Variants in LGSN observed in about 807,000 individuals in gnomAD.
LGSN encodes lengsin.
LGSN carries 21 observed loss-of-function variants against 19.5 expected under a neutral mutation model. The ratio of observed to expected loss-of-function variants is 1.07; its 90% confidence interval spans 0.76 to 1.55. The LOEUF (loss-of-function observed/expected upper bound fraction) is 1.55. Ranked by LOEUF, LGSN falls within the 40% of genes most tolerant of loss-of-function variation. The pLI, the probability that LGSN is intolerant of heterozygous loss-of-function variation, is 0.00. For missense variants in LGSN, 673 were observed against 608.5 expected (o/e 1.11, Z -1.12); for synonymous variants, 257 against 215.6 (o/e 1.19, Z -1.68).
At chr6:63,361,396 G>T in the LGSN span, among the ~76,000 whole-genome samples, 4 of 152,176 alleles carry the variant, frequency 2.6e-5, no homozygotes, top group African/African-American at 9.6e-5. Flanking sequence ...CTTGCAGTTT[G>T]ATCTCAGACT....
At chr6:63,320,428 AT>A (rs1401492423), upstream of LGSN, among the ~76,000 whole-genome samples, 2 of 152,108 alleles carry the variant, frequency 1.3e-5, no homozygotes, top group African/African-American at 4.8e-5. Context: ...TGTAATTCTC[AT>A]TTTTATTTTC....
the LGSN span, chr6:63,572,516 CG>C: frequency 2.6e-6 from 1 of 391,662 alleles, no homozygotes; most frequent in East Asian, 3.6e-5. Flanking sequence ...GGCTGCGGGC[CG>C]GCTCGGCTAC....
chr6:63,280,393 G>A lies in LGSN; in HGVS notation c.1158C>T (p.Tyr386=), dbSNP rs1384052741. ...LKKSVPTTWG[Y]NDNSCIFNIK... ...TATTAAATATACAGCTGTTGTCATT[G>A]TATCCCCATGTTGTAGGCACACTCT... Residue 386 remains tyrosine (Y), a synonymous_variant, in exon 4 of 4, where the codon TAC becomes TAT. Coordinates refer to ENST00000370657, the MANE Select transcript of LGSN (RefSeq NM_016571.3). 16 of 1,614,032 alleles carry A rather than the reference G, an allele frequency of 9.9e-6. No homozygotes were observed. Among genetic ancestry groups the A allele is most frequent in the Non-Finnish European group, 1.1e-5 (13 of 1,180,036 alleles).
chr6:63,313,544 T>A (rs1768713886), intron 1 of LGSN, among the ~76,000 whole-genome samples: 1 of 152,140 alleles, frequency 6.6e-6, no homozygotes, highest in African/African-American at 2.4e-5. Context: ...TATATTTAAA[T>A]GCTAAGACAG....
the LGSN span, among the ~76,000 whole-genome samples, chr6:63,366,813 A>G: frequency 1.3e-5 from 2 of 151,882 alleles, no homozygotes; most frequent in Admixed American, 6.6e-5. Flanking sequence ...GATCTTTGAC[A>G]AACCTGACGA....
the LGSN span, among the ~76,000 whole-genome samples, chr6:63,377,929 A>AG: frequency 6.9e-6 from 1 of 144,224 alleles, no homozygotes; most frequent in African/African-American, 2.7e-5. Flanking sequence ...AAAAAAAAAA[A>AG]AAAAAAGAAA....
At chr6:63,556,716 G>A in the LGSN span, among the ~76,000 whole-genome samples, 2 of 152,182 alleles carry the variant, frequency 1.3e-5, no homozygotes, top group Middle Eastern at 3.2e-3. Context: ...CACTGATACT[G>A]CTTGTCAGTT....
chr6:63,447,921 G>T, the LGSN span, among the ~76,000 whole-genome samples: 2 of 152,070 alleles, frequency 1.3e-5, no homozygotes, highest in African/African-American at 4.8e-5. Context: ...CCAATAAGTT[G>T]TCCAACAAAA....
the LGSN span, among the ~76,000 whole-genome samples, chr6:63,326,189 T>C: frequency 6.6e-6 from 1 of 151,498 alleles, no homozygotes; most frequent in South Asian, 2.1e-4. Context: ...AAGGTGCTGA[T>C]TGGTGTGTTA....
chr6:63,281,335 A>ATAAAT lies in LGSN; in HGVS notation c.331-116_331-115insATTTA, dbSNP rs1554170069. 1.5e-3 allele frequency: 214 copies of ATAAAT among 144,178 alleles called. 1 individual carries two copies. The highest frequency in any genetic ancestry group is 4.1e-3 in the African/African-American group (151 of 36,572). 8.9% of individuals were successfully genotyped at this position (144,178 alleles called of 1,614,324 possible). A position where few individuals can be genotyped will look rare whatever the true frequency, so the allele number is the denominator to read the frequency against. ...TATATATATATATATATATATAATAAATATATATATATATGTTTAACACTT... is the reference window on the plus strand; with the variant it reads ...TATATATATATATATATATATAATAATAAATATATATATATATATGTTTAACACTT... On this transcript the variant is annotated intron_variant, in intron 3 of 3. Transcript: ENST00000370657.
the LGSN span, among the ~76,000 whole-genome samples, chr6:63,364,502 C>T: frequency 7.2e-5 from 11 of 152,220 alleles, no homozygotes; most frequent in Non-Finnish European, 1.2e-4. Context: ...CTTTAACACC[C>T]CACTGTCAAC....
the LGSN span, among the ~76,000 whole-genome samples, chr6:63,526,911 T>C: frequency 6.6e-6 from 1 of 150,606 alleles, no homozygotes; most frequent in South Asian, 2.1e-4. Context: ...AGACCAAATG[T>C]TGGATTTATA....
At chr6:63,505,563 A>AAAAAAGAAAGAAAGAGAAAGAAAGAAAG in the LGSN span, among the ~76,000 whole-genome samples, 2 of 86,690 alleles carry the variant, frequency 2.3e-5, 1 homozygote, top group African/African-American at 1.2e-4. Context: ...CAAAAAAAAA[A>AAAAAAGAAAGAAAGAGAAAGAAAGAAAG]AAAAAGAAAG....
At chr6:63,345,446 G>A in the LGSN span, among the ~76,000 whole-genome samples, 2 of 152,066 alleles carry the variant, frequency 1.3e-5, no homozygotes, top group African/African-American at 2.4e-5. Flanking sequence ...TTAAAGACAG[G>A]CAATTCAAGA....
chr6:63,553,224 G>A, the LGSN span, among the ~76,000 whole-genome samples: 8 of 152,102 alleles, frequency 5.3e-5, no homozygotes, highest in Admixed American at 1.3e-4. Context: ...TTAGTTTAAC[G>A]TAATCTGTTG....
At chr6:63,392,091 G>C in the LGSN span, 1 of 152,248 alleles carries the variant, frequency 6.6e-6, no homozygotes, top group Non-Finnish European at 1.5e-5. Context: ...ATAAAACAGT[G>C]GTCCCATAAG....
At chr6:63,514,479 G>A in the LGSN span, among the ~76,000 whole-genome samples, 3 of 152,220 alleles carry the variant, frequency 2.0e-5, no homozygotes, top group South Asian at 4.1e-4. Flanking sequence ...CGCCCACCTC[G>A]GCCTCCCGAA....
intron 1 of LGSN, among the ~76,000 whole-genome samples, chr6:63,311,036 G>A (rs1443567863): frequency 6.6e-6 from 1 of 152,126 alleles, no homozygotes; most frequent in Non-Finnish European, 1.5e-5. Flanking sequence ...TTGCCATGAC[G>A]TTTGCTCTTG....
At chr6:63,339,613 G>A in the LGSN span, among the ~76,000 whole-genome samples, 2 of 151,992 alleles carry the variant, frequency 1.3e-5, no homozygotes, top group South Asian at 4.2e-4. Context: ...TTCAGTCTTG[G>A]TTTTTTTCCA....
Sources: allele counts gnomAD v4.1 joint callset (sites outside exome capture counted in the v4.1 genomes callset), GRCh38; gene constraint gnomAD v4.1.1; transcripts MANE v1.5; gene names NCBI Gene and HGNC (gene_info 2026-07-23, HGNC 2026-07-21).